The following SATB2 variants were observed in gnomAD, a reference collection of about 807,000 sequenced individuals.
The protein encoded by SATB2 is SATB homeobox 2.
A neutral mutation model predicts 73.4 loss-of-function variants in SATB2; 1 was observed. The observed-to-expected ratio is 0.01, with a 90% CI of 0.00 to 0.06. The LOEUF (loss-of-function observed/expected upper bound fraction) is 0.06, where lower values mean the gene tolerates loss of function less well. SATB2 is among the 10% of genes least tolerant of loss of function. The pLI, the probability that SATB2 is intolerant of heterozygous loss-of-function variation, is 1.00. For synonymous variants in SATB2, 397 were observed against 367.0 expected (o/e 1.08, Z -0.93); for missense variants, 459 against 945.8 (o/e 0.49, Z 6.75).
At chr2:199,352,300 C>T (rs1274615477) in intron 6 of SATB2, among the ~76,000 whole-genome samples, 1 of 152,102 alleles carries the variant, frequency 6.6e-6, no homozygotes. Context: ...ATTTGAGTGA[C>T]TTTATTTTCT....
At chr2:199,450,830 C>T (rs1010807714) in intron 2 of SATB2, among the ~76,000 whole-genome samples, 15 of 151,974 alleles carry the variant, frequency 9.9e-5, no homozygotes, top group African/African-American at 3.6e-4. Context: ...GTAGTCTTTC[C>T]TGGAATAAAA....
At chr2:199,289,431 T>C (rs1433072414) in intron 10 of SATB2, among the ~76,000 whole-genome samples, 1 of 152,094 alleles carries the variant, frequency 6.6e-6, no homozygotes, top group African/African-American at 2.4e-5. Flanking sequence ...AAGATTCCAG[T>C]CTCCGAGCAG....
At chr2:199,449,554 A>C (rs970579845) in intron 2 of SATB2, among the ~76,000 whole-genome samples, 6 of 152,158 alleles carry the variant, frequency 3.9e-5, no homozygotes, top group Non-Finnish European at 7.4e-5. Context: ...GCTAACAATA[A>C]AGAGCAACGG....
At position 199,455,932 on chromosome 2, in the gene SATB2, G is replaced by T; in HGVS notation, c.106C>A (p.Gln36Lys). Reference sequence around the variant, plus strand: ...CGGGCTCCCATGGGGCTGCCGTTCTGCTCCAGCCGGGCCACCTTCACTGGG... The same window carrying T: ...CGGGCTCCCATGGGGCTGCCGTTCTTCTCCAGCCGGGCCACCTTCACTGGG... ...PPPVKVARLEQNGSPMGARGR... is the reference protein window; with the variant it reads ...PPPVKVARLEKNGSPMGARGR... Residue 36 changes from glutamine to lysine, a missense_variant, in exon 2 of 11, where the codon CAG becomes AAG. By Grantham distance (53) the Gln-to-Lys change is moderately conservative (BLOSUM62 1). Coordinates refer to ENST00000417098, the MANE Select transcript of SATB2 (RefSeq NM_001172509.2). This position sits in a 1 kb window ranked among gnomAD's most constrained non-coding sequence, Gnocchi z 4.1. 1 of 1,537,764 alleles carries T rather than the reference G, an allele frequency of 6.5e-7. No homozygotes were observed. Among genetic ancestry groups the T allele is most frequent in the Non-Finnish European group, 8.7e-7 (1 of 1,147,454 alleles).
At chr2:199,374,968 A>AG (rs1689556801) in intron 5 of SATB2, among the ~76,000 whole-genome samples, 1 of 146,064 alleles carries the variant, frequency 6.8e-6, no homozygotes, top group Admixed American at 6.8e-5. Context: ...CGTCGCAAAA[A>AG]GAAAAAAAAA....
At chr2:199,426,105 T>C (rs192928913) in intron 3 of SATB2, among the ~76,000 whole-genome samples, 24 of 152,262 alleles carry the variant, frequency 1.6e-4, no homozygotes, top group African/African-American at 5.8e-4. Context: ...AAGTTAGCTC[T>C]AAGGCCTAAA....
intron 2 of SATB2, among the ~76,000 whole-genome samples, chr2:199,434,248 C>A (rs191185278): frequency 8.7e-4 from 132 of 152,096 alleles, no homozygotes; most frequent in Non-Finnish European, 1.7e-3. Context: ...TTATTTTATA[C>A]ATTAACATCA....
intron 10 of SATB2, among the ~76,000 whole-genome samples, chr2:199,293,509 TTAA>T (rs531145828): frequency 1.4e-4 from 21 of 152,250 alleles, no homozygotes; most frequent in Admixed American, 1.2e-3. Context: ...AAACCTATTA[TTAA>T]TAATATTTTT....
intron 3 of SATB2, among the ~76,000 whole-genome samples, chr2:199,394,955 T>C (rs1467190429): frequency 6.6e-6 from 1 of 152,164 alleles, no homozygotes; most frequent in African/African-American, 2.4e-5. Flanking sequence ...AAAAAAAAGA[T>C]CCATTTAATC....
chr2:199,466,890 A>G (rs762574660), upstream of SATB2, among the ~76,000 whole-genome samples: 8 of 152,212 alleles, frequency 5.3e-5, no homozygotes, highest in Non-Finnish European at 1.0e-4. Flanking sequence ...CCCAAGCTCT[A>G]TTTACAAGAA....
At chr2:199,442,908 T>C (rs953410963) in intron 2 of SATB2, among the ~76,000 whole-genome samples, 13 of 152,132 alleles carry the variant, frequency 8.5e-5, no homozygotes, top group Admixed American at 6.6e-4. Flanking sequence ...AAAATGCATA[T>C]ATGTATAAGT....
chr2:199,310,885 G>C (rs959593084), intron 9 of SATB2, among the ~76,000 whole-genome samples: 1 of 152,170 alleles, frequency 6.6e-6, no homozygotes, highest in Non-Finnish European at 1.5e-5. Flanking sequence ...CAGCTGAGTG[G>C]TATCTCCACT....
intron 2 of SATB2, among the ~76,000 whole-genome samples, chr2:199,443,669 A>G (rs981119400): frequency 6.6e-6 from 1 of 152,210 alleles, no homozygotes; most frequent in Non-Finnish European, 1.5e-5. Flanking sequence ...CAATGAATGC[A>G]GATTTCACAA....
intron 10 of SATB2, among the ~76,000 whole-genome samples, chr2:199,281,877 T>C (rs1319478189): frequency 7.8e-6 from 1 of 128,542 alleles, no homozygotes; most frequent in Non-Finnish European, 1.6e-5. Context: ...TTCCATATTC[T>C]CTCTCTTTTT....
chr2:199,297,977 T>G (rs185738645), intron 10 of SATB2, among the ~76,000 whole-genome samples: 1 of 152,170 alleles, frequency 6.6e-6, no homozygotes, highest in Non-Finnish European at 1.5e-5. Context: ...ACCAGACAGC[T>G]GAGTCTCTAA....
At chr2:199,354,991 C>A (rs766579194) in intron 6 of SATB2, among the ~76,000 whole-genome samples, 11 of 152,002 alleles carry the variant, frequency 7.2e-5, no homozygotes, top group Non-Finnish European at 1.0e-4. Context: ...TATATTCCTC[C>A]CTCAGGAATT....
intron 3 of SATB2, chr2:199,396,457 C>T (rs1690304193): frequency 6.6e-6 from 1 of 152,108 alleles, no homozygotes; most frequent in Non-Finnish European, 1.5e-5. Context: ...AGTGTAAGGC[C>T]TACAGATGTG....
At chr2:199,417,688 T>C (rs1691035032) in intron 3 of SATB2, among the ~76,000 whole-genome samples, 1 of 152,178 alleles carries the variant, frequency 6.6e-6, no homozygotes, top group Admixed American at 6.5e-5. Context: ...TGTCATTAGT[T>C]AAGGATATTT....
intron 10 of SATB2, among the ~76,000 whole-genome samples, chr2:199,277,179 G>C (rs1692341132): frequency 6.6e-6 from 1 of 152,130 alleles, no homozygotes; most frequent in African/African-American, 2.4e-5. Flanking sequence ...TTTCCACTGA[G>C]GTTTACTGAG....
Sources: allele counts gnomAD v4.1 joint callset (sites outside exome capture counted in the v4.1 genomes callset), GRCh38; gene constraint gnomAD v4.1.1; non-coding constraint Gnocchi (gnomAD v3.1); transcripts MANE v1.5; gene names NCBI Gene and HGNC (gene_info 2026-07-23, HGNC 2026-07-21).